DAB1: variants seen among roughly 807,000 people sequenced by gnomAD.
The protein encoded by DAB1 is DAB adaptor protein 1.
A neutral mutation model predicts 64.6 loss-of-function variants in DAB1; 15 were observed. The observed-to-expected ratio is 0.23, with a 90% confidence interval of 0.16 to 0.36. DAB1 has a LOEUF of 0.36. Ranked by LOEUF, DAB1 falls within the 10% of genes least tolerant of loss-of-function variation. The probability of loss-of-function intolerance (pLI) is 1.00; values close to 1 mark genes in which losing one functional copy is unlikely to be tolerated. For missense variants in DAB1, 596 were observed against 706.7 expected (o/e 0.84, Z 1.78); for synonymous variants, 235 against 251.9 (o/e 0.93, Z 0.64).
At chr1:58,313,829 G>GTGTA (rs1219971176) in intron 4 of DAB1, among the ~76,000 whole-genome samples, 1 of 135,482 alleles carries the variant, frequency 7.4e-6, no homozygotes, top group African/African-American at 2.9e-5. Context: ...ATGTGTGTGT[G>GTGTA]TGTGTGTGTG....
At chr1:57,345,158 C>T (rs983526614) in intron 1 of DAB1, among the ~76,000 whole-genome samples, 1 of 152,240 alleles carries the variant, frequency 6.6e-6, no homozygotes. Context: ...AAGTCTTTCC[C>T]GATGTTTCAG....
chr1:57,189,789 A>G (rs563717289), intron 2 of DAB1, among the ~76,000 whole-genome samples: 5 of 151,910 alleles, frequency 3.3e-5, no homozygotes, highest in Non-Finnish European at 7.4e-5. Flanking sequence ...AAACTCGGGT[A>G]CATGGCCAGC....
At chr1:57,517,238 TGCA>T (rs2101368838) in intron 7 of DAB1, among the ~76,000 whole-genome samples, 1 of 152,296 alleles carries the variant, frequency 6.6e-6, no homozygotes, top group East Asian at 1.9e-4. Flanking sequence ...CATACCTCAT[TGCA>T]GCTTCAGACT....
At chr1:57,276,663 A>G (rs1291913162) in intron 2 of DAB1, among the ~76,000 whole-genome samples, 1 of 152,226 alleles carries the variant, frequency 6.6e-6, no homozygotes, top group Admixed American at 6.5e-5. Flanking sequence ...GGGGGTTTAC[A>G]GATCTTCAAT....
At chr1:57,555,248 T>C (rs1022050037) in intron 7 of DAB1, among the ~76,000 whole-genome samples, 120 of 152,076 alleles carry the variant, frequency 7.9e-4, no homozygotes, top group Admixed American at 5.2e-3. Context: ...TTGGCCAGGA[T>C]GGTCTCCATC....
At chr1:57,226,672 A>AAAAAAT (rs747021990) in intron 2 of DAB1, among the ~76,000 whole-genome samples, 138 of 135,982 alleles carry the variant, frequency 1.0e-3, no homozygotes, top group African/African-American at 2.3e-3. Context: ...TTAAAAAAAA[A>AAAAAAT]ATATATATAT....
chr1:57,395,856 C>G (rs1682767106), intron 1 of DAB1, among the ~76,000 whole-genome samples: 1 of 152,098 alleles, frequency 6.6e-6, no homozygotes, highest in South Asian at 2.1e-4. Context: ...CTCAATTTTA[C>G]TGAAACACCA....
intron 4 of DAB1, among the ~76,000 whole-genome samples, chr1:57,113,941 G>A (rs1655887107): frequency 6.6e-6 from 1 of 152,150 alleles, no homozygotes; most frequent in South Asian, 2.1e-4. Context: ...AATTCAAAAT[G>A]CACATACTCT....
At chr1:57,113,976 G>A (rs1208481875) in intron 4 of DAB1, among the ~76,000 whole-genome samples, 4 of 152,158 alleles carry the variant, frequency 2.6e-5, no homozygotes, top group Non-Finnish European at 5.9e-5. Context: ...ACTCTAGGAT[G>A]GAACACTTCC....
chr1:57,219,866 G>A (rs1334826939), intron 2 of DAB1, among the ~76,000 whole-genome samples: 1 of 152,136 alleles, frequency 6.6e-6, no homozygotes, highest in East Asian at 1.9e-4. Context: ...AGGCAGCATT[G>A]AGAGACCCCT....
At chr1:57,322,134 T>G (rs189432886) in intron 1 of DAB1, among the ~76,000 whole-genome samples, 1 of 152,310 alleles carries the variant, frequency 6.6e-6, no homozygotes, top group Admixed American at 6.5e-5. Flanking sequence ...AAAGCAGTCA[T>G]GTACTTGCCA....
chr1:57,168,880 A>ACT (rs1279689057), intron 2 of DAB1, among the ~76,000 whole-genome samples: 1 of 151,880 alleles, frequency 6.6e-6, no homozygotes, highest in East Asian at 1.9e-4. Flanking sequence ...AAATAGCGCA[A>ACT]CTCTCTCTCT....
intron 1 of DAB1, among the ~76,000 whole-genome samples, chr1:57,377,774 C>T (rs755522774): frequency 2.0e-5 from 3 of 152,090 alleles, no homozygotes; most frequent in Non-Finnish European, 4.4e-5. Flanking sequence ...TCTGCAAAGG[C>T]GTGGGCAGAG....
chr1:57,405,579 G>A (rs1388742454), intron 1 of DAB1, among the ~76,000 whole-genome samples: 2 of 152,074 alleles, frequency 1.3e-5, no homozygotes, highest in African/African-American at 4.8e-5. Flanking sequence ...TTAAACAGAG[G>A]GATTTCACAC....
chr1:57,107,879 G>A lies in DAB1; in HGVS notation c.306+28664C>T, dbSNP rs533654294. Among the ~76,000 whole-genome samples the A allele has an allele frequency of 2.6e-5, 4 of 152,232 alleles. No homozygotes were observed. The South Asian group carries it at 8.3e-4, about 32-fold the overall frequency. ...TCCCAAGCTTTGTGACCCTGGACAA[G>A]GCAACTGAGCCTTGTGCATTTCTGT... On this transcript the variant is annotated intron_variant, in intron 4 of 14. Transcript: ENST00000371236.
intron 4 of DAB1, among the ~76,000 whole-genome samples, chr1:58,199,573 C>G (rs1470537806): frequency 6.6e-6 from 1 of 152,098 alleles, no homozygotes; most frequent in East Asian, 1.9e-4. Context: ...CTTCTCAGAA[C>G]AGTACCTGAC....
chr1:57,497,370 A>C (rs568922913), intron 7 of DAB1, among the ~76,000 whole-genome samples: 2 of 152,330 alleles, frequency 1.3e-5, no homozygotes, highest in East Asian at 3.9e-4. Flanking sequence ...AATGTCTGGC[A>C]CATAGGTGAG....
chr1:57,197,703 T>C (rs1664747311), intron 2 of DAB1, among the ~76,000 whole-genome samples: 1 of 152,216 alleles, frequency 6.6e-6, no homozygotes. Flanking sequence ...AATATGTTCT[T>C]CTTCTCCTCA....
chr1:57,239,903 G>A (rs985206037), intron 2 of DAB1, among the ~76,000 whole-genome samples: 10 of 152,062 alleles, frequency 6.6e-5, no homozygotes, highest in East Asian at 5.8e-4. Flanking sequence ...CCTCTGATGC[G>A]AACCAGTCCC....
Sources: allele counts gnomAD v4.1 joint callset (sites outside exome capture counted in the v4.1 genomes callset), GRCh38; gene constraint gnomAD v4.1.1; transcripts MANE v1.5; gene names NCBI Gene and HGNC (gene_info 2026-07-23, HGNC 2026-07-21).